The following CADM2 variants were observed in gnomAD, a reference collection of about 807,000 sequenced individuals.
CADM2 encodes the protein immunoglobulin superfamily member 4D.
CADM2 carries 12 observed loss-of-function variants against 49.8 expected under a neutral mutation model. The ratio of observed to expected loss-of-function variants is 0.24; its 90% CI spans 0.15 to 0.39. The LOEUF is 0.39. CADM2 is among the 10% of genes least tolerant of loss of function. The probability of loss-of-function intolerance (pLI) is 1.00; values close to 1 mark genes in which losing one functional copy is unlikely to be tolerated. For synonymous variants in CADM2, 214 were observed against 175.4 expected, an observed-to-expected ratio of 1.22 and a Z score of -1.74; for missense variants, 378 against 492.3, an observed-to-expected ratio of 0.77 and a Z score of 2.20.
intron 1 of CADM2, among the ~76,000 whole-genome samples, chr3:85,449,535 G>A (rs1030754643): frequency 2.7e-5 from 4 of 150,356 alleles, no homozygotes; most frequent in African/African-American, 4.9e-5. Flanking sequence ...TTTTTTTGAC[G>A]TAGTATTTTC....
chr3:85,543,872 G>A (rs1464302595), intron 1 of CADM2, among the ~76,000 whole-genome samples: 3 of 152,062 alleles, frequency 2.0e-5, no homozygotes, highest in African/African-American at 4.8e-5. Flanking sequence ...TTTCAACACT[G>A]TCACATAGGG....
intron 1 of CADM2, among the ~76,000 whole-genome samples, chr3:85,097,114 G>A (rs1361071202): frequency 6.6e-6 from 1 of 152,042 alleles, no homozygotes; most frequent in Non-Finnish European, 1.5e-5. Context: ...TGGTCATTTA[G>A]CATTTGGTAT....
intron 1 of CADM2, among the ~76,000 whole-genome samples, chr3:85,239,867 C>A (rs1251080486): frequency 6.6e-6 from 1 of 151,258 alleles, no homozygotes; most frequent in South Asian, 2.1e-4. Flanking sequence ...TGGAGTTTAT[C>A]AGTGCACACT....
At chr3:85,875,726 A>G (rs1559715574) in intron 3 of CADM2, among the ~76,000 whole-genome samples, 1 of 152,176 alleles carries the variant, frequency 6.6e-6, no homozygotes, top group Non-Finnish European at 1.5e-5. Context: ...AGAGTAAGCA[A>G]TTAGCACAGG....
chr3:85,973,971 C>A (rs779718323), intron 8 of CADM2, among the ~76,000 whole-genome samples: 41 of 151,606 alleles, frequency 2.7e-4, no homozygotes, highest in Non-Finnish European at 4.7e-4. Flanking sequence ...TGTTAGGTAT[C>A]AGGAAAGGAT....
chr3:86,001,164 G>A lies in CADM2; in HGVS notation c.970+39517G>A, dbSNP rs116140440. 2.8e-3 allele frequency among the ~76,000 whole-genome samples: 422 copies of A among 152,252 alleles called. 1 individual carries two copies. Among genetic ancestry groups the A allele is most frequent in the African/African-American group, 9.9e-3 (413 of 41,564 alleles). On this transcript the variant is annotated intron_variant, in intron 8 of 9. Transcript: ENST00000383699. ...TCCAGCCAACCAAACTTAATGGTGG[G>A]TGTTGCCATTCAGTGAGATAGGAAA...
intron 1 of CADM2, among the ~76,000 whole-genome samples, chr3:85,489,643 T>C (rs142698479): frequency 7.0e-6 from 1 of 142,536 alleles, no homozygotes; most frequent in East Asian, 2.0e-4. Context: ...CCCTAAAACT[T>C]AAAGTATAAT....
intron 8 of CADM2, among the ~76,000 whole-genome samples, chr3:85,965,587 T>A (rs1282943114): frequency 6.6e-6 from 1 of 151,430 alleles, no homozygotes; most frequent in Non-Finnish European, 1.5e-5. Context: ...AAAACTCTAA[T>A]TTTTTTCTAT....
chr3:85,792,814 A>G (rs1377929244), intron 2 of CADM2, among the ~76,000 whole-genome samples: 1 of 152,218 alleles, frequency 6.6e-6, no homozygotes, highest in Non-Finnish European at 1.5e-5. Context: ...GTCTCTTTCA[A>G]CAATACTTAT....
intron 1 of CADM2, among the ~76,000 whole-genome samples, chr3:85,144,620 A>AAAAAAGAAAGAAAG (rs373935603): frequency 4.0e-4 from 54 of 136,386 alleles, no homozygotes; most frequent in African/African-American, 1.4e-3. Flanking sequence ...TCAAAAAAAA[A>AAAAAAGAAAGAAAG]AAAGAAAGAA....
At chr3:85,931,254 A>C (rs1174456118) in intron 6 of CADM2, among the ~76,000 whole-genome samples, 2 of 151,858 alleles carry the variant, frequency 1.3e-5, no homozygotes, top group East Asian at 3.9e-4. Flanking sequence ...AAAGAGATAA[A>C]GAGAGAAAAA....
intron 5 of CADM2, among the ~76,000 whole-genome samples, chr3:85,901,342 T>C (rs935495592): frequency 6.6e-6 from 1 of 152,216 alleles, no homozygotes; most frequent in Admixed American, 6.5e-5. Context: ...TAATGGGAAG[T>C]TGATTGAGAT....
At chr3:85,983,916 T>G (rs1420094809) in intron 8 of CADM2, among the ~76,000 whole-genome samples, 1 of 151,320 alleles carries the variant, frequency 6.6e-6, no homozygotes, top group East Asian at 1.9e-4. Context: ...CTATATCATT[T>G]TAATTGTTTC....
chr3:85,373,426 A>G (rs929624387), intron 1 of CADM2, among the ~76,000 whole-genome samples: 8 of 152,134 alleles, frequency 5.3e-5, no homozygotes, highest in African/African-American at 1.9e-4. Context: ...TTTACAGGGT[A>G]TAGTTCCCCT....
intron 5 of CADM2, among the ~76,000 whole-genome samples, chr3:85,898,750 T>C (rs1437022994): frequency 6.6e-6 from 1 of 151,438 alleles, no homozygotes; most frequent in Non-Finnish European, 1.5e-5. Context: ...TTTGCAGATA[T>C]TATAGTAAAG....
At chr3:85,534,148 A>G (rs1217508440) in intron 1 of CADM2, among the ~76,000 whole-genome samples, 1 of 152,110 alleles carries the variant, frequency 6.6e-6, no homozygotes, top group Admixed American at 6.6e-5. Context: ...TTAAGTTTAA[A>G]CAGCATTTGT....
intron 1 of CADM2, among the ~76,000 whole-genome samples, chr3:85,263,027 C>T (rs1360980502): frequency 6.6e-6 from 1 of 151,912 alleles, no homozygotes. Flanking sequence ...GAGTCTTGCT[C>T]TGTCGCCCAG....
At chr3:85,010,131 C>T (rs2033920912) in intron 1 of CADM2, among the ~76,000 whole-genome samples, 1 of 151,748 alleles carries the variant, frequency 6.6e-6, no homozygotes. Context: ...TTTCAAAATG[C>T]AAACATCTGG....
intron 1 of CADM2, among the ~76,000 whole-genome samples, chr3:85,269,676 T>G (rs965364496): frequency 6.6e-6 from 1 of 151,492 alleles, no homozygotes; most frequent in Admixed American, 6.6e-5. Context: ...GTCTCTCAGA[T>G]CACTATGTTC....
Sources: allele counts gnomAD v4.1 joint callset (sites outside exome capture counted in the v4.1 genomes callset), GRCh38; gene constraint gnomAD v4.1.1; transcripts MANE v1.5; gene names NCBI Gene and HGNC (gene_info 2026-07-23, HGNC 2026-07-21).